Variants in PTPRD observed in about 807,000 individuals in gnomAD.
The protein encoded by PTPRD is receptor-type tyrosine-protein phosphatase delta.
PTPRD carries 34 observed loss-of-function variants against 214.5 expected under a neutral mutation model. The observed-to-expected ratio is 0.16, with a 90% CI of 0.12 to 0.21. The LOEUF is 0.21. Ranked by LOEUF, PTPRD falls within the 10% of genes least tolerant of loss-of-function variation. The probability of loss-of-function intolerance (pLI) is 1.00; values close to 1 mark genes in which losing one functional copy is unlikely to be tolerated. For missense variants in PTPRD, 2,545 were observed against 2,398.7 expected (o/e 1.06, Z -1.27); for synonymous variants, 1,128 against 845.7 (o/e 1.33, Z -5.79).
At chr9:9,355,296 A>G (rs571799104) in intron 9 of PTPRD, among the ~76,000 whole-genome samples, 1 of 151,852 alleles carries the variant, frequency 6.6e-6, no homozygotes, top group African/African-American at 2.4e-5. Flanking sequence ...ATAATGGTAC[A>G]ATGGTAGAAG....
At chr9:9,000,992 C>T (rs892328856) in intron 11 of PTPRD, among the ~76,000 whole-genome samples, 1 of 151,920 alleles carries the variant, frequency 6.6e-6, no homozygotes, top group African/African-American at 2.4e-5. Context: ...CAGCAAATGA[C>T]CCATCCATCG....
At chr9:9,500,465 G>A (rs2096372064) in intron 8 of PTPRD, among the ~76,000 whole-genome samples, 1 of 152,082 alleles carries the variant, frequency 6.6e-6, no homozygotes, top group Non-Finnish European at 1.5e-5. Context: ...GTGCCACTGA[G>A]TTGAGACTAT....
At chr9:10,325,998 C>A (rs771792379) in intron 3 of PTPRD, among the ~76,000 whole-genome samples, 5 of 151,664 alleles carry the variant, frequency 3.3e-5, no homozygotes, top group Non-Finnish European at 4.4e-5. Flanking sequence ...TATATCTGAG[C>A]AAGTATCTAA....
chr9:9,535,432 T>C (rs915676056), intron 8 of PTPRD, among the ~76,000 whole-genome samples: 13 of 152,100 alleles, frequency 8.5e-5, no homozygotes, highest in African/African-American at 3.1e-4. Context: ...AATTTGAATG[T>C]TAGTTTGGTG....
At chr9:10,169,118 C>T (rs901769822) in intron 3 of PTPRD, among the ~76,000 whole-genome samples, 2 of 152,148 alleles carry the variant, frequency 1.3e-5, no homozygotes, top group Admixed American at 1.3e-4. Flanking sequence ...AATAGTTAAC[C>T]CCTTACTCCC....
intron 9 of PTPRD, among the ~76,000 whole-genome samples, chr9:9,351,658 G>C (rs2051208982): frequency 6.6e-6 from 1 of 151,968 alleles, no homozygotes; most frequent in African/African-American, 2.4e-5. Flanking sequence ...GAATAAAGAA[G>C]ACTGAAATAC....
intron 4 of PTPRD, among the ~76,000 whole-genome samples, chr9:10,023,094 G>C (rs1398936979): frequency 2.6e-5 from 4 of 152,036 alleles, no homozygotes; most frequent in African/African-American, 9.7e-5. Flanking sequence ...TCAAATGAAA[G>C]GAAGATTTTT....
At chr9:9,780,269 G>C (rs1415640557) in intron 5 of PTPRD, among the ~76,000 whole-genome samples, 1 of 152,152 alleles carries the variant, frequency 6.6e-6, no homozygotes, top group Non-Finnish European at 1.5e-5. Context: ...GGGTCAGTGA[G>C]GGAGGGGAGC....
At chr9:8,465,797 A>G in intron 31 of PTPRD, 122 bp from the exon 32 acceptor site, 1 of 727,300 alleles carries the variant, frequency 1.4e-6, no homozygotes. Context: ...TTCACATTTC[A>G]TATAGCACAT....
chr9:9,429,165 A>G (rs1028507486), intron 8 of PTPRD, among the ~76,000 whole-genome samples: 1 of 152,184 alleles, frequency 6.6e-6, no homozygotes, highest in Non-Finnish European at 1.5e-5. Flanking sequence ...GCAGACTAAT[A>G]AAGAAGAAAA....
chr9:10,119,555 C>G (rs182225418), intron 3 of PTPRD, among the ~76,000 whole-genome samples: 10 of 151,910 alleles, frequency 6.6e-5, no homozygotes. Context: ...TAACTCTCAT[C>G]CATATATAAA....
At chr9:8,526,721 GAGA>G (rs2074256982) in intron 16 of PTPRD, 77 bp from the exon 17 acceptor site, 1 of 1,198,280 alleles carries the variant, frequency 8.3e-7, no homozygotes, top group East Asian at 2.4e-5. Context: ...TAGGGCTGGG[GAGA>G]AGAATTAAAT....
intron 9 of PTPRD, among the ~76,000 whole-genome samples, chr9:9,331,249 T>A (rs1369568578): frequency 6.6e-6 from 1 of 152,092 alleles, no homozygotes; most frequent in Non-Finnish European, 1.5e-5. Context: ...TGGGTTAGGT[T>A]TGCTACTATC....
intron 7 of PTPRD, among the ~76,000 whole-genome samples, chr9:9,689,421 C>T (rs1248537876): frequency 6.6e-6 from 1 of 151,712 alleles, no homozygotes; most frequent in Non-Finnish European, 1.5e-5. Context: ...GTTTATGTAA[C>T]TTTTGATGCA....
intron 27 of PTPRD, among the ~76,000 whole-genome samples, chr9:8,492,086 G>C (rs565365402): frequency 1.3e-5 from 2 of 152,218 alleles, no homozygotes; most frequent in Admixed American, 6.5e-5. Flanking sequence ...TTATTCTTTA[G>C]AGGGGAGTAA....
chr9:8,556,292 A>T (rs914786990), intron 14 of PTPRD, among the ~76,000 whole-genome samples: 2 of 152,304 alleles, frequency 1.3e-5, no homozygotes, highest in East Asian at 3.9e-4. Flanking sequence ...GTCATGTTTG[A>T]TTACTCACTA....
In PTPRD at chr9:8,911,415, T is replaced by TGTTGTGTG. The variant is rs1555510111; in HGVS notation, c.-104+107281_-104+107282insCACACAAC. ...GTGTGTGTCTGTGTGTGTGTGTGTG[T>TGTTGTGTG]TGTGTGTGTGTGTGTGTGTGTGTGT... On this transcript the variant is annotated intron_variant, in intron 11 of 45. Transcript: ENST00000381196. Among the ~76,000 whole-genome samples, 371 of 127,708 alleles carry TGTTGTGTG rather than the reference T, an allele frequency of 2.9e-3. 1 individual carries two copies. Among genetic ancestry groups the TGTTGTGTG allele is most frequent in the African/African-American group, 7.5e-3 (277 of 37,100 alleles). The allele number at this position is 127,708 out of a possible 152,430, so 83.8% of individuals were successfully genotyped here. A position where few individuals can be genotyped will look rare whatever the true frequency, so the allele number is the denominator to read the frequency against.
chr9:9,154,690 T>C (rs1208959083), intron 10 of PTPRD, among the ~76,000 whole-genome samples: 1 of 152,204 alleles, frequency 6.6e-6, no homozygotes, highest in African/African-American at 2.4e-5. Context: ...CTAAAGCCTG[T>C]GTCCCAGCTC....
At chr9:9,801,665 G>T (rs967987032) in intron 5 of PTPRD, among the ~76,000 whole-genome samples, 7 of 152,168 alleles carry the variant, frequency 4.6e-5, no homozygotes, top group African/African-American at 1.4e-4. Context: ...GTCAATAATT[G>T]TTTTGAGTTT....
Sources: allele counts gnomAD v4.1 joint callset (sites outside exome capture counted in the v4.1 genomes callset), GRCh38; gene constraint gnomAD v4.1.1; transcripts MANE v1.5; gene names NCBI Gene and HGNC (gene_info 2026-07-23, HGNC 2026-07-21).